Variants in PGF observed in about 807,000 individuals in gnomAD.
PGF encodes placenta growth factor.
In PGF, 11 loss-of-function variants were observed where a neutral mutation model predicts 25.3. That is an observed-to-expected ratio of 0.43 (90% CI 0.27 to 0.72). The LOEUF is 0.72. Ranked by LOEUF, PGF falls within the 30% of genes least tolerant of loss-of-function variation. PGF has a pLI of 0.18. For missense variants in PGF, 230 were observed against 234.9 expected, an observed-to-expected ratio of 0.98 and a Z score of 0.14; for synonymous variants, 105 against 97.9, an observed-to-expected ratio of 1.07 and a Z score of -0.43.
At chr14:74,952,189 G>A (rs146716825) in intron 2 of PGF, among the ~76,000 whole-genome samples, 1,754 of 152,350 alleles carry the variant, frequency 0.012, 21 homozygotes, top group African/African-American at 0.038. Flanking sequence ...GGAGACCCCA[G>A]GAGAGAAATG....
chr14:74,947,044 AT>A, intron 4 of PGF: 1 of 572,208 alleles, frequency 1.7e-6, no homozygotes, highest in Non-Finnish European at 3.1e-6. Flanking sequence ...GGGTAGAGAC[AT>A]GGGACAGCAT....
chr14:74,955,464 C>CGGCGG lies in PGF; in HGVS notation c.-227_-223dup. 1 of 392,238 alleles carries CGGCGG rather than the reference C, an allele frequency of 2.5e-6. No homozygotes were observed. 24.3% of individuals were successfully genotyped at this position (392,238 alleles called of 1,614,324 possible). On this transcript the variant is annotated 5_prime_UTR_variant, in exon 1 of 7. Transcript: ENST00000555567. The surrounding 1 kb of genome is among the most constrained non-coding windows in gnomAD (Gnocchi z 4.1). The stretch of plus-strand genomic sequence containing the variant: ...CTGGGGAACCCGACGGGGAGCGGCC[C>CGGCGG]GGCGGGGCGGGGCGCCGAGGGGCAG...
At chr14:74,946,619 G>T in intron 4 of PGF, 1 of 634,734 alleles carries the variant, frequency 1.6e-6, no homozygotes, top group Non-Finnish European at 2.9e-6. Flanking sequence ...ACCCCACCAC[G>T]AGAGGGACAA....
At chr14:74,942,799 T>A in intron 6 of PGF, 66 bp from the exon 7 acceptor site, 2 of 1,460,968 alleles carry the variant, frequency 1.4e-6, no homozygotes, top group Non-Finnish European at 1.9e-6. Flanking sequence ...TCTCCTCCTA[T>A]GGAGGAGGGG....
intron 4 of PGF, chr14:74,947,161 T>G (rs192154453): frequency 2.4e-6 from 1 of 421,134 alleles, no homozygotes; most frequent in East Asian, 3.5e-5. Context: ...GTTGTACCTC[T>G]CCATATTGGG....
intron 2 of PGF, among the ~76,000 whole-genome samples, chr14:74,951,714 C>T (rs2268615): frequency 6.6e-5 from 10 of 152,108 alleles, no homozygotes; most frequent in African/African-American, 2.2e-4. Context: ...ATGCAGGTTC[C>T]GGGTCCCTGA....
intron 3 of PGF, 42 bp downstream of exon 3, chr14:74,949,315 G>T: frequency 7.0e-7 from 1 of 1,419,670 alleles, no homozygotes; most frequent in Non-Finnish European, 9.4e-7. Context: ...GTACCTTCTA[G>T]TGGGCAGATT....
At chr14:74,955,696 C>G (rs1334185052), upstream of PGF, 1 of 152,856 alleles carries the variant, frequency 6.5e-6, no homozygotes, top group Non-Finnish European at 1.5e-5. This position sits in a 1 kb window ranked among gnomAD's most constrained non-coding sequence, Gnocchi z 4.1. Context: ...GAGCCGAGTT[C>G]CCGGAGCGCC....
In PGF at chr14:74,947,055, T is replaced by C. The variant is rs576745981; in HGVS notation, c.393-647A>G. On this transcript the variant is annotated intron_variant, in intron 4 of 6. Coordinates refer to ENST00000555567, the MANE Select transcript of PGF (RefSeq NM_002632.6). Reference sequence around the variant, plus strand: ...CAGTGGGTAGAGACATGGGACAGCATGGTAGCAGTCAGCTTTGGGGCCAGG... The same window carrying C: ...CAGTGGGTAGAGACATGGGACAGCACGGTAGCAGTCAGCTTTGGGGCCAGG... 9.0e-6 allele frequency: 5 copies of C among 554,842 alleles called. No individual in the cohort carries two copies. The South Asian group carries it at 1.0e-4, about 11-fold the overall frequency. 34.4% of individuals were successfully genotyped at this position (554,842 alleles called of 1,614,324 possible).
At chr14:74,949,591 G>T in intron 2 of PGF, 38 bp from the exon 3 acceptor site, 2 of 1,455,584 alleles carry the variant, frequency 1.4e-6, no homozygotes, top group Non-Finnish European at 9.1e-7. Flanking sequence ...GGCCAGCAGA[G>T]ACCTGCCCCT....
intron 6 of PGF, among the ~76,000 whole-genome samples, chr14:74,943,947 T>C (rs529321437): frequency 5.3e-5 from 8 of 151,992 alleles, no homozygotes; most frequent in Admixed American, 4.6e-4. Context: ...AGGTAATCAA[T>C]AAAAGACTTC....
At chr14:74,947,006 T>G (rs1434414026) in intron 4 of PGF, 2 of 625,266 alleles carry the variant, frequency 3.2e-6, no homozygotes, top group Non-Finnish European at 5.8e-6. Flanking sequence ...TGGCAGGGGA[T>G]AGGGCCTCAG....
intron 4 of PGF, chr14:74,946,948 G>A (rs561827369): frequency 1.4e-6 from 1 of 707,926 alleles, no homozygotes; most frequent in South Asian, 1.5e-5. Flanking sequence ...CAGGGCTGTG[G>A]CTGTTGGCCC....
intron 4 of PGF, chr14:74,947,476 G>A (rs570782595): frequency 6.6e-6 from 1 of 152,422 alleles, no homozygotes; most frequent in South Asian, 2.1e-4. Flanking sequence ...CCTGAAAAAC[G>A]AAGGCTTACG....
intron 2 of PGF, among the ~76,000 whole-genome samples, chr14:74,951,551 G>A (rs1262210376): frequency 1.3e-5 from 2 of 152,246 alleles, no homozygotes; most frequent in Admixed American, 6.5e-5. Flanking sequence ...CGTCAGCGAG[G>A]GGACAGCAGC....
chr14:74,953,974 C>T lies in PGF; in HGVS notation c.76-28G>A. 1 of 1,612,436 alleles carries T rather than the reference C, an allele frequency of 6.2e-7. No homozygotes were observed. The highest frequency in any genetic ancestry group is 8.5e-7 in the Non-Finnish European group (1 of 1,178,876). On this transcript the variant is annotated intron_variant, in intron 1 of 6. Coordinates refer to ENST00000555567, the MANE Select transcript of PGF (RefSeq NM_002632.6). This position sits in a 1 kb window ranked among gnomAD's most constrained non-coding sequence, Gnocchi z 5.4. ...ATGGACAGAAAAGTGCAGAGGTGAG[C>T]TGGGGGTACCTTGGAGCTCTGCACT...
intron 2 of PGF, among the ~76,000 whole-genome samples, chr14:74,949,883 C>T (rs1184065655): frequency 6.6e-6 from 1 of 152,210 alleles, no homozygotes; most frequent in Admixed American, 6.5e-5. Context: ...TTTCTCAAGC[C>T]TGACCCGGTG....
chr14:74,955,048 G>A lies in PGF; in HGVS notation c.75+120C>T. ...AGAAGTCCAGCCTGGCCTTTAGGAA[G>A]TGTGTGGACATCCTTGGAGTTGCTG... On this transcript the variant is annotated intron_variant, in intron 1 of 6. Coordinates refer to ENST00000555567, the MANE Select transcript of PGF (RefSeq NM_002632.6). The surrounding 1 kb of genome is among the most constrained non-coding windows in gnomAD (Gnocchi z 4.1). The A allele has an allele frequency of 2.2e-6, 1 of 453,996 alleles. No individual in the cohort carries two copies. The highest frequency in any genetic ancestry group is 2.0e-5 in the African/African-American group (1 of 49,084). The allele number at this position is 453,996 out of a possible 1,614,324, so 28.1% of individuals were successfully genotyped here. A position where few individuals can be genotyped will look rare whatever the true frequency, so the allele number is the denominator to read the frequency against.
intron 2 of PGF, among the ~76,000 whole-genome samples, chr14:74,951,060 C>A (rs1888860768): frequency 6.6e-6 from 1 of 152,174 alleles, no homozygotes; most frequent in South Asian, 2.1e-4. Context: ...AGCAGAGGCC[C>A]TCGGGAAAGG....
Sources: allele counts gnomAD v4.1 joint callset (sites outside exome capture counted in the v4.1 genomes callset), GRCh38; gene constraint gnomAD v4.1.1; non-coding constraint Gnocchi (gnomAD v3.1); transcripts MANE v1.5; gene names NCBI Gene and HGNC (gene_info 2026-07-23, HGNC 2026-07-21).